JCAD: variants seen among roughly 807,000 people sequenced by gnomAD.
The protein encoded by JCAD is junctional cadherin 5 associated, also known as junctional cadherin 5-associated protein.
A neutral mutation model predicts 98.0 loss-of-function variants in JCAD; 40 were observed. That is an observed-to-expected ratio of 0.41 (90% CI 0.32 to 0.53). The LOEUF (loss-of-function observed/expected upper bound fraction) is 0.53. Ranked by LOEUF, JCAD falls within the 20% of genes least tolerant of loss-of-function variation. The probability of loss-of-function intolerance (pLI) is 0.31; values close to 1 mark genes in which losing one functional copy is unlikely to be tolerated. For synonymous variants in JCAD, 691 were observed against 682.3 expected, an observed-to-expected ratio of 1.01 and a Z score of -0.20; for missense variants, 1,705 against 1,738.1, an observed-to-expected ratio of 0.98 and a Z score of 0.34.
intron 2 of JCAD, among the ~76,000 whole-genome samples, chr10:30,039,611 G>A (rs188698165): frequency 9.2e-5 from 14 of 152,310 alleles, no homozygotes; most frequent in East Asian, 1.9e-4. Context: ...TTGGGGAGCC[G>A]GATGAACCTG....
intron 1 of JCAD, among the ~76,000 whole-genome samples, chr10:30,096,043 T>C (rs1838362420): frequency 6.6e-6 from 1 of 152,214 alleles, no homozygotes; most frequent in Non-Finnish European, 1.5e-5. Flanking sequence ...CTTTTTTTGT[T>C]TTATTGTCAG....
chr10:30,111,965 G>A (rs1249970692), intron 1 of JCAD, among the ~76,000 whole-genome samples: 1 of 152,140 alleles, frequency 6.6e-6, no homozygotes, highest in Admixed American at 6.5e-5. Flanking sequence ...CCAGGTAGAT[G>A]CCCCCAAAGA....
At chr10:30,113,849 AC>A (rs1838747771) in intron 1 of JCAD, among the ~76,000 whole-genome samples, 1 of 152,126 alleles carries the variant, frequency 6.6e-6, no homozygotes. Flanking sequence ...CTGCCCAGGG[AC>A]CACTTCTTCT....
rs1354166707 is a variant in JCAD at position 30,016,038 on chromosome 10, G to A, written c.*1845C>T. The A allele has an allele frequency of 2.6e-5, 4 of 152,184 alleles. No homozygotes were observed. Among genetic ancestry groups the A allele is most frequent in the Non-Finnish European group, 4.4e-5 (3 of 68,040 alleles). The allele number at this position is 152,184 out of a possible 1,614,324, so 9.4% of individuals were successfully genotyped here. A position where few individuals can be genotyped will look rare whatever the true frequency, so the allele number is the denominator to read the frequency against. On this transcript the variant is annotated 3_prime_UTR_variant, in exon 4 of 4. Transcript: ENST00000375377. ...TGGAGTGCACTCTCACTTTTCATAAGAGCTGAATTCTGGACTGCAGATAAG... is the reference window on the plus strand; with the variant it reads ...TGGAGTGCACTCTCACTTTTCATAAAAGCTGAATTCTGGACTGCAGATAAG...
intron 2 of JCAD, among the ~76,000 whole-genome samples, chr10:30,032,564 T>C (rs1225909193): frequency 6.6e-6 from 1 of 152,238 alleles, no homozygotes; most frequent in Non-Finnish European, 1.5e-5. Flanking sequence ...GTTTCAAGTC[T>C]AGGATAGCTG....
intron 2 of JCAD, among the ~76,000 whole-genome samples, chr10:30,033,522 T>G (rs1837044867): frequency 6.6e-6 from 1 of 152,210 alleles, no homozygotes; most frequent in Non-Finnish European, 1.5e-5. Flanking sequence ...TTGCTGAACC[T>G]TTTCATCCCT....
chr10:30,083,836 G>C (rs528499433), intron 1 of JCAD, among the ~76,000 whole-genome samples: 1 of 152,182 alleles, frequency 6.6e-6, no homozygotes, highest in African/African-American at 2.4e-5. Flanking sequence ...AGATCAGCCT[G>C]GGCAACATAG....
At chr10:30,045,776 CCT>C (rs748779242) in intron 2 of JCAD, among the ~76,000 whole-genome samples, 3 of 152,196 alleles carry the variant, frequency 2.0e-5, no homozygotes, top group Non-Finnish European at 4.4e-5. Flanking sequence ...GATTTTCCCC[CCT>C]GAGCCTGGCT....
At chr10:30,088,640 A>C (rs1314443342) in intron 1 of JCAD, among the ~76,000 whole-genome samples, 4 of 152,182 alleles carry the variant, frequency 2.6e-5, no homozygotes, top group Non-Finnish European at 4.4e-5. Context: ...CAGATAATTT[A>C]TCTCTATCCC....
intron 1 of JCAD, among the ~76,000 whole-genome samples, chr10:30,110,829 C>G (rs1399012705): frequency 1.3e-5 from 2 of 151,186 alleles, no homozygotes; most frequent in South Asian, 2.1e-4. Context: ...TGCACCCACT[C>G]AGGTATGCAC....
At chr10:30,092,505 T>C (rs1423320674) in intron 1 of JCAD, among the ~76,000 whole-genome samples, 1 of 152,150 alleles carries the variant, frequency 6.6e-6, no homozygotes, top group African/African-American at 2.4e-5. Flanking sequence ...GCGTTGTTTT[T>C]AGTTTACCAA....
At chr10:30,041,077 C>A (rs908649920) in intron 2 of JCAD, among the ~76,000 whole-genome samples, 41 of 152,172 alleles carry the variant, frequency 2.7e-4, no homozygotes, top group Admixed American at 2.7e-3. Context: ...CTCCAGAAGC[C>A]TCATGTTCAA....
chr10:30,064,390 C>T (rs1837750024), upstream of JCAD, among the ~76,000 whole-genome samples: 1 of 152,220 alleles, frequency 6.6e-6, no homozygotes, highest in African/African-American at 2.4e-5. Context: ...TTCTCAGCTA[C>T]AAGAAATAAA....
At chr10:30,067,173 A>G (rs1837799095) in intron 2 of JCAD, among the ~76,000 whole-genome samples, 1 of 151,846 alleles carries the variant, frequency 6.6e-6, no homozygotes, top group South Asian at 2.1e-4. Context: ...CTGTCTCAAA[A>G]AAAAAAAAAA....
chr10:30,014,671 C>T lies in JCAD; in HGVS notation c.*3212G>A, dbSNP rs1450252437. The T allele has an allele frequency of 1.3e-5, 2 of 152,138 alleles. No homozygotes were observed. The highest frequency in any genetic ancestry group is 3.9e-4 in the East Asian group (2 of 5,192). The allele number at this position is 152,138 out of a possible 1,614,324, so 9.4% of individuals were successfully genotyped here. A position where few individuals can be genotyped will look rare whatever the true frequency, so the allele number is the denominator to read the frequency against. On this transcript the variant is annotated 3_prime_UTR_variant, in exon 4 of 4. Transcript: ENST00000375377. ...CAGCTTCATCCTTTTTCTTCAGAAG[C>T]CCCAAACCGAGATGCTGTCAGAATA...
intron 3 of JCAD, among the ~76,000 whole-genome samples, chr10:30,023,850 C>T (rs886464634): frequency 1.3e-5 from 2 of 152,054 alleles, no homozygotes; most frequent in Admixed American, 6.5e-5. Flanking sequence ...ACTAAATAGT[C>T]AAGTTAAAAA....
chr10:30,037,668 GGTC>G (rs1400767012), intron 2 of JCAD, among the ~76,000 whole-genome samples: 2 of 152,020 alleles, frequency 1.3e-5, no homozygotes, highest in Non-Finnish European at 2.9e-5. Context: ...ACAAATAATG[GGTC>G]TGGAAGAGGA....
intron 1 of JCAD, among the ~76,000 whole-genome samples, chr10:30,104,191 G>A (rs966928824): frequency 2.6e-5 from 4 of 152,216 alleles, no homozygotes; most frequent in African/African-American, 9.7e-5. Flanking sequence ...GAGGGTTGCA[G>A]GTGGGAGGGA....
intron 1 of JCAD, among the ~76,000 whole-genome samples, chr10:30,091,714 A>ATTTTT (rs11307523): frequency 6.1e-5 from 5 of 81,750 alleles, no homozygotes; most frequent in Admixed American, 1.7e-4. Flanking sequence ...AAGTTTTTAA[A>ATTTTT]TTTTTTTTTT....
Sources: gnomAD v4.1 joint callset for allele counts (sites outside exome capture counted in the v4.1 genomes callset) on GRCh38, gnomAD v4.1.1 for gene constraint, MANE v1.5 for transcripts, NCBI Gene and HGNC (gene_info 2026-07-23, HGNC 2026-07-21) for gene names.